Variants in SNTG2 observed in about 807,000 individuals in gnomAD.
SNTG2 encodes the protein syntrophin gamma 2.
SNTG2 carries 74 observed loss-of-function variants against 70.9 expected under a neutral mutation model. That is an observed-to-expected ratio of 1.04 (90% CI 0.86 to 1.27). SNTG2 has a LOEUF of 1.27. Among genes scored for constraint, SNTG2 ranks in the 50% most tolerant of loss-of-function variants. The pLI, the probability that SNTG2 is intolerant of heterozygous loss-of-function variation, is 0.00. For missense variants in SNTG2, 717 were observed against 690.7 expected, an observed-to-expected ratio of 1.04 and a Z score of -0.43; for synonymous variants, 278 against 273.8, an observed-to-expected ratio of 1.02 and a Z score of -0.15.
intron 1 of SNTG2, among the ~76,000 whole-genome samples, chr2:1,037,330 C>A (rs1251716034): frequency 6.6e-6 from 1 of 152,196 alleles, no homozygotes; most frequent in Non-Finnish European, 1.5e-5. Flanking sequence ...AAGGAGGAAT[C>A]CACATCCCCA....
rs1676911581 is a variant in SNTG2 at position 1,239,525 on chromosome 2, T to C, written c.850-213T>C. 3.3e-5 allele frequency among the ~76,000 whole-genome samples: 5 copies of C among 152,308 alleles called. No individual in the cohort carries two copies. In the South Asian group the frequency reaches 1.0e-3, roughly 32 times the overall value. On this transcript the variant is annotated intron_variant, in intron 10 of 16. Coordinates refer to ENST00000308624, the MANE Select transcript of SNTG2 (RefSeq NM_018968.4). ...AACTTCACTTACATAAATGCTGATA[T>C]TTGAAAAAGAGGAATTGAAGCCTGC...
intron 2 of SNTG2, among the ~76,000 whole-genome samples, chr2:1,092,824 T>G (rs943131082): frequency 1.3e-5 from 2 of 152,220 alleles, no homozygotes; most frequent in African/African-American, 4.8e-5. Context: ...GAGATAGCTA[T>G]GTTCTATTAT....
At chr2:1,366,637 C>A (rs1207896343) in intron 16 of SNTG2, among the ~76,000 whole-genome samples, 1 of 152,194 alleles carries the variant, frequency 6.6e-6, no homozygotes, top group Non-Finnish European at 1.5e-5. Context: ...GCCATGGGGA[C>A]AGGGTGGGTG....
At chr2:987,264 G>C (rs1419405427) in intron 1 of SNTG2, among the ~76,000 whole-genome samples, 1 of 152,174 alleles carries the variant, frequency 6.6e-6, no homozygotes, top group African/African-American at 2.4e-5. Context: ...GACTGCGCTG[G>C]GTTAAAGCCA....
intron 13 of SNTG2, among the ~76,000 whole-genome samples, chr2:1,265,047 G>A (rs1205981651): frequency 6.6e-6 from 1 of 152,204 alleles, no homozygotes; most frequent in Non-Finnish European, 1.5e-5. Flanking sequence ...TAACCCCTGG[G>A]TTGTTCAAGG....
chr2:1,311,487 A>G (rs1680987883), intron 15 of SNTG2, among the ~76,000 whole-genome samples: 1 of 152,194 alleles, frequency 6.6e-6, no homozygotes, highest in South Asian at 2.1e-4. Flanking sequence ...GGATAAACCA[A>G]TGGGTTGTAA....
intron 9 of SNTG2, among the ~76,000 whole-genome samples, chr2:1,224,543 G>A (rs1199893824): frequency 1.3e-5 from 2 of 152,126 alleles, no homozygotes; most frequent in Admixed American, 1.3e-4. Context: ...TGCCTCCCAG[G>A]CCCCTCACCT....
intron 1 of SNTG2, among the ~76,000 whole-genome samples, chr2:965,325 CCCCAATCCTCCT>C: frequency 1.5e-5 from 2 of 129,856 alleles, no homozygotes; most frequent in Admixed American, 1.6e-4. Flanking sequence ...CCTCCTTGGA[CCCCAATCCTCCT>C]CCTGGTCCCC....
chr2:1,269,947 G>C (rs1291522405), intron 14 of SNTG2, among the ~76,000 whole-genome samples: 2 of 152,134 alleles, frequency 1.3e-5, no homozygotes, highest in Non-Finnish European at 2.9e-5. Context: ...GATGACCACT[G>C]TTGGGAAGAA....
intron 4 of SNTG2, among the ~76,000 whole-genome samples, chr2:1,126,537 G>GT (rs1558431254): frequency 6.6e-6 from 1 of 152,098 alleles, no homozygotes; most frequent in Non-Finnish European, 1.5e-5. Flanking sequence ...TCTATTTTTA[G>GT]TTTTTTTGAG....
chr2:989,315 A>G (rs1410982178), intron 1 of SNTG2, among the ~76,000 whole-genome samples: 1 of 151,504 alleles, frequency 6.6e-6, no homozygotes, highest in Non-Finnish European at 1.5e-5. Flanking sequence ...GATTTCAGGG[A>G]TAAATAGTCC....
intron 14 of SNTG2, among the ~76,000 whole-genome samples, chr2:1,283,717 G>A (rs1301729889): frequency 1.3e-5 from 2 of 152,108 alleles, no homozygotes; most frequent in Non-Finnish European, 2.9e-5. Flanking sequence ...CGCATGGGAC[G>A]TCCTCGGGAC....
intron 8 of SNTG2, among the ~76,000 whole-genome samples, chr2:1,181,772 G>T (rs1350305401): frequency 1.3e-5 from 2 of 152,156 alleles, no homozygotes; most frequent in Non-Finnish European, 2.9e-5. Context: ...GCTGAAGCTT[G>T]CAGGGAGCTT....
At chr2:1,139,907 T>G (rs1341648845) in intron 6 of SNTG2, among the ~76,000 whole-genome samples, 2 of 151,894 alleles carry the variant, frequency 1.3e-5, no homozygotes, top group Admixed American at 6.6e-5. Flanking sequence ...ATTGGACTGA[T>G]ACAAATATAC....
intron 12 of SNTG2, among the ~76,000 whole-genome samples, chr2:1,258,974 T>C (rs1395885988): frequency 6.6e-6 from 1 of 152,184 alleles, no homozygotes; most frequent in East Asian, 1.9e-4. Flanking sequence ...ATATATAAAC[T>C]CATTCACTTT....
In SNTG2 at chr2:1,063,707, T is replaced by C. The variant is rs1662970339; in HGVS notation, c.73-19811T>C. ...TAACTGAAGAGTGGACACAACAAAA[T>C]ACTGAAATTGAAGATAGATCAATCA... On this transcript the variant is annotated intron_variant, in intron 1 of 16. Transcript: ENST00000308624. 3.3e-5 allele frequency among the ~76,000 whole-genome samples: 5 copies of C among 152,064 alleles called. 2 individuals carry two copies. In the South Asian group the frequency reaches 1.0e-3, roughly 32 times the overall value.
intron 1 of SNTG2, among the ~76,000 whole-genome samples, chr2:1,042,512 A>G (rs1404930977): frequency 6.6e-6 from 1 of 151,980 alleles, no homozygotes; most frequent in Admixed American, 6.5e-5. Flanking sequence ...TTTGATTCTT[A>G]CCTTTCTCAT....
chr2:1,358,414 A>G (rs951661544), intron 16 of SNTG2, among the ~76,000 whole-genome samples: 4 of 148,108 alleles, frequency 2.7e-5, no homozygotes, highest in African/African-American at 1.0e-4. Flanking sequence ...CCTTAGTTTG[A>G]TTTTCTTATC....
At chr2:1,363,134 C>CCCA (rs1661292687) in intron 16 of SNTG2, among the ~76,000 whole-genome samples, 1 of 149,980 alleles carries the variant, frequency 6.7e-6, no homozygotes, top group African/African-American at 2.4e-5. Flanking sequence ...AATGGACCCC[C>CCCA]CCCATGAAAG....
Sources: allele counts gnomAD v4.1 joint callset (sites outside exome capture counted in the v4.1 genomes callset), GRCh38; gene constraint gnomAD v4.1.1; transcripts MANE v1.5; gene names NCBI Gene and HGNC (gene_info 2026-07-23, HGNC 2026-07-21).